The following RRM1 variants were observed in gnomAD, a reference collection of about 807,000 sequenced individuals.
RRM1 encodes ribonucleotide reductase catalytic subunit M1, also known as ribonucleoside-diphosphate reductase large subunit.
RRM1 carries 19 observed loss-of-function variants against 101.5 expected under a neutral mutation model. That is an observed-to-expected ratio of 0.19 (90% CI 0.13 to 0.27). RRM1 has a LOEUF of 0.27. Among genes scored for constraint, RRM1 ranks in the 10% least tolerant of loss-of-function variants. RRM1 has a pLI of 1.00. For synonymous variants in RRM1, 298 were observed against 323.4 expected (o/e 0.92, Z 0.84); for missense variants, 500 against 962.9 (o/e 0.52, Z 6.36).
rs780980889 is a variant in RRM1, at chr11:4,129,110, G to T, written c.1729G>T (p.Asp577Tyr). Reference sequence around the variant, plus strand: ...TGATATGTGGAATGTTACTCCTACAGACCTATGGGACTGGAAGGTTCTCAA... The same window carrying T: ...TGATATGTGGAATGTTACTCCTACATACCTATGGGACTGGAAGGTTCTCAA... The part of the protein sequence containing the change: ...QYDMWNVTPT[D>Y]LWDWKVLKEK... Residue 577 changes from aspartate (D) to tyrosine (Y), a missense_variant, in exon 15 of 19, where the codon GAC becomes TAC. Around this residue, in one of 9 missense-constraint regions of RRM1, gnomAD observed 106 missense variants for 138.1 expected, o/e 0.77. Transcript: ENST00000300738. The T allele has an allele frequency of 6.2e-7, 1 of 1,605,194 alleles. No homozygotes were observed. The highest frequency in any genetic ancestry group is 1.3e-5 in the African/African-American group (1 of 74,314).
At chr11:4,098,677 C>G (rs1249247501) in intron 1 of RRM1, among the ~76,000 whole-genome samples, 1 of 152,186 alleles carries the variant, frequency 6.6e-6, no homozygotes, top group Non-Finnish European at 1.5e-5. Flanking sequence ...TTCAGCACCT[C>G]TTTGTGCTAG....
intron 7 of RRM1, among the ~76,000 whole-genome samples, chr11:4,113,913 G>A (rs1590719582): frequency 6.6e-6 from 1 of 152,056 alleles, no homozygotes; most frequent in South Asian, 2.1e-4. Flanking sequence ...GATTGCCTGA[G>A]CTCAGGAGTT....
At chr11:4,131,729 A>G (rs955812397) in intron 15 of RRM1, among the ~76,000 whole-genome samples, 4 of 152,218 alleles carry the variant, frequency 2.6e-5, no homozygotes, top group Non-Finnish European at 5.9e-5. Flanking sequence ...TCTTGCAGGA[A>G]CTTATAATTG....
At chr11:4,123,490 C>T (rs1234597367) in intron 12 of RRM1, 106 bp downstream of exon 12, 14 of 886,498 alleles carry the variant, frequency 1.6e-5, no homozygotes, top group Non-Finnish European at 2.6e-5. Flanking sequence ...AGGGAGTTTG[C>T]ATAGTTGTAA....
intron 7 of RRM1, among the ~76,000 whole-genome samples, chr11:4,115,025 T>A (rs2094570856): frequency 6.6e-6 from 1 of 152,196 alleles, no homozygotes. Context: ...TTAAGTTTTT[T>A]AGAAATTTCT....
chr11:4,132,490 T>C lies in RRM1; in HGVS notation c.1905+69T>C. On this transcript the variant is annotated intron_variant, in intron 16 of 18. Coordinates refer to ENST00000300738, the MANE Select transcript of RRM1 (RefSeq NM_001033.5). The surrounding 1 kb of genome is among the most constrained non-coding windows in gnomAD (Gnocchi z 4.1). Reference sequence around the variant, plus strand: ...CCTGATGTTGGGAGTAAATGCTCACTCATGTTTAATTTGCCCATTTTCTTA... The same window carrying C: ...CCTGATGTTGGGAGTAAATGCTCACCCATGTTTAATTTGCCCATTTTCTTA... 4 of 1,545,424 alleles carry C rather than the reference T, an allele frequency of 2.6e-6. No homozygotes were observed. The highest frequency in any genetic ancestry group is 2.7e-6 in the Non-Finnish European group (3 of 1,129,986).
At chr11:4,099,696 G>A (rs181981313) in intron 1 of RRM1, among the ~76,000 whole-genome samples, 45 of 152,188 alleles carry the variant, frequency 3.0e-4, no homozygotes, top group Middle Eastern at 6.8e-3. Flanking sequence ...TGAGAGAAGA[G>A]GATAATGTAG....
At chr11:4,115,586 C>T (rs570220644) in intron 7 of RRM1, among the ~76,000 whole-genome samples, 34 of 150,636 alleles carry the variant, frequency 2.3e-4, no homozygotes, top group African/African-American at 8.3e-4. Context: ...GATGGAGTTT[C>T]GCTCTTGTCA....
chr11:4,138,727 G>C lies in RRM1; in HGVS notation c.*344G>C, dbSNP rs2094619085. ...TAGCACTGCTTTTCTGAAGACTTCA[G>C]TTTTGTTAAGGAGATTTAGTTTTAC... On this transcript the variant is annotated 3_prime_UTR_variant, in exon 19 of 19. Transcript: ENST00000300738. The C allele has an allele frequency of 4.4e-6, 1 of 228,568 alleles. No homozygotes were observed. The highest frequency in any genetic ancestry group is 8.6e-6 in the Non-Finnish European group (1 of 116,082). 14.2% of individuals were successfully genotyped at this position (228,568 alleles called of 1,614,324 possible).
chr11:4,105,224 A>G (rs980044684), intron 2 of RRM1, among the ~76,000 whole-genome samples: 2 of 152,114 alleles, frequency 1.3e-5, no homozygotes, highest in African/African-American at 4.8e-5. Context: ...TCAGAGAAGT[A>G]AGTTGTCTTG....
Position 4,124,490 on chromosome 11 carries a change from T to C in RRM1, c.1320+1106T>C, listed in dbSNP as rs149823494. ...TGCAGTAGCTATATGTAAAACACAA[T>C]GTTAAGTGCTCTGAGAATATAAATA... On this transcript the variant is annotated intron_variant, in intron 12 of 18. Transcript: ENST00000300738. Among the ~76,000 whole-genome samples the C allele has an allele frequency of 6.2e-3, 945 of 152,342 alleles. 10 individuals carry two copies. Among genetic ancestry groups the C allele is most frequent in the African/African-American group, 0.022 (906 of 41,572 alleles).
At position 4,111,589 on chromosome 11, in the gene RRM1, C is replaced by T. The variant is rs1283774282; in HGVS notation, c.448-12C>T. On this transcript the variant is annotated splice_polypyrimidine_tract_variant and intron_variant, in intron 5 of 18. Coordinates refer to ENST00000300738, the MANE Select transcript of RRM1 (RefSeq NM_001033.5). ...GTGCTCTGAAAATTTTTTGTTGTTT[C>T]TCTCTTTCTAGACGCTAGAGCGGTC... The T allele has an allele frequency of 6.3e-7, 1 of 1,587,140 alleles. No homozygotes were observed. The highest frequency in any genetic ancestry group is 8.6e-7 in the Non-Finnish European group (1 of 1,165,904).
intron 18 of RRM1, 40 bp from the exon 19 acceptor site, chr11:4,138,153 TCA>T: frequency 5.1e-6 from 6 of 1,172,724 alleles, no homozygotes; most frequent in Non-Finnish European, 6.2e-6. Context: ...TCTAGTATTC[TCA>T]CAGAGTTTCT....
intron 15 of RRM1, among the ~76,000 whole-genome samples, chr11:4,129,513 G>A (rs1213422715): frequency 1.3e-5 from 2 of 150,016 alleles, no homozygotes; most frequent in Non-Finnish European, 3.0e-5. Context: ...TCCCAATTTA[G>A]TTACATCGGG....
rs768206264 is a variant in RRM1, at chr11:4,118,395, T to C, written c.726T>C (p.Ser242=). The change falls in exon 8 of 19, where the codon TCT becomes TCC. Residue 242 remains serine, a synonymous_variant. Transcript: ENST00000300738. ...YDTLKQCALI[S]KSAGGIGVAV... ...CTCTAAAGCAATGTGCATTGATTTCTAAGTCTGCTGGAGGAATTGGTGTTG... is the reference window on the plus strand; with the variant it reads ...CTCTAAAGCAATGTGCATTGATTTCCAAGTCTGCTGGAGGAATTGGTGTTG... 149 of 1,613,998 alleles carry C rather than the reference T, an allele frequency of 9.2e-5. No homozygotes were observed. Among genetic ancestry groups the C allele is most frequent in the Non-Finnish European group, 1.1e-4 (133 of 1,179,978 alleles).
intron 2 of RRM1, among the ~76,000 whole-genome samples, chr11:4,102,536 T>A (rs2133287540): frequency 6.6e-6 from 1 of 151,502 alleles, no homozygotes; most frequent in South Asian, 2.1e-4. Context: ...TGGGCGCCTG[T>A]AATCCCAGCT....
chr11:4,102,198 G>T, intron 2 of RRM1, 117 bp downstream of exon 2: 3 of 620,690 alleles, frequency 4.8e-6, no homozygotes, highest in Non-Finnish European at 5.7e-6. Context: ...TATGCCCTTC[G>T]ATATAAAATT....
chr11:4,116,027 C>A (rs1466794633), intron 7 of RRM1: 1 of 152,174 alleles, frequency 6.6e-6, no homozygotes, highest in African/African-American at 2.4e-5. Flanking sequence ...GGGCAAAAAT[C>A]TTCTTTATTG....
At chr11:4,103,843 C>T (rs1295210637) in intron 2 of RRM1, among the ~76,000 whole-genome samples, 4 of 134,882 alleles carry the variant, frequency 3.0e-5, no homozygotes, top group African/African-American at 8.6e-5. Context: ...TGGCCAGGCT[C>T]GTCTTGAACT....
Sources: allele counts gnomAD v4.1 joint callset (sites outside exome capture counted in the v4.1 genomes callset), GRCh38; gene constraint gnomAD v4.1.1; regional missense constraint gnomAD v4.1.1; non-coding constraint Gnocchi (gnomAD v3.1); transcripts MANE v1.5; gene names NCBI Gene and HGNC (gene_info 2026-07-23, HGNC 2026-07-21).